The following DRD2 variants were observed in gnomAD, a reference collection of about 807,000 sequenced individuals.
DRD2 encodes the protein dopamine receptor D2.
Under a neutral mutation model 38.0 loss-of-function variants are expected in DRD2, and 8 were observed. The ratio of observed to expected loss-of-function variants is 0.21; its 90% CI spans 0.12 to 0.38. The LOEUF (loss-of-function observed/expected upper bound fraction) is 0.38. DRD2 is among the 10% of genes least tolerant of loss of function. DRD2 has a pLI of 1.00. For missense variants in DRD2, 403 were observed against 607.7 expected (o/e 0.66, Z 3.54); for synonymous variants, 230 against 238.6 (o/e 0.96, Z 0.33).
Position 113,410,565 on chromosome 11 carries a change from C to T in DRD2, c.*162G>A, listed in dbSNP as rs200094288. 30 of 892,246 alleles carry T rather than the reference C, an allele frequency of 3.4e-5. No individual in the cohort carries two copies. Among genetic ancestry groups the T allele is most frequent in the East Asian group, 7.5e-5 (3 of 39,840 alleles). 55.3% of individuals were successfully genotyped at this position (892,246 alleles called of 1,614,324 possible). A position where few individuals can be genotyped will look rare whatever the true frequency, so the allele number is the denominator to read the frequency against. On this transcript the variant is annotated 3_prime_UTR_variant, in exon 8 of 8. Coordinates refer to ENST00000362072, the MANE Select transcript of DRD2 (RefSeq NM_000795.4). ...ACTGCCCTGGCAGAGTGAGGGTGTG[C>T]GGGCAGTGAGGAGCATGGAGCCAAG...
chr11:113,455,241 T>G (rs1301112971), intron 1 of DRD2, among the ~76,000 whole-genome samples: 1 of 152,060 alleles, frequency 6.6e-6, no homozygotes, highest in African/African-American at 2.4e-5. Context: ...CAGACGCCTG[T>G]AGTCCCAGCT....
chr11:113,459,855 A>G (rs1951301835), intron 1 of DRD2, among the ~76,000 whole-genome samples: 1 of 152,244 alleles, frequency 6.6e-6, no homozygotes, highest in Admixed American at 6.5e-5. Context: ...TCATTTGTTC[A>G]TTACACAGTG....
chr11:113,412,423 G>T, intron 7 of DRD2, 133 bp downstream of exon 7: 1 of 1,101,374 alleles, frequency 9.1e-7, no homozygotes, highest in Non-Finnish European at 1.3e-6. Flanking sequence ...AGGGCTGTCT[G>T]TATGTCAATG....
At chr11:113,421,718 T>C (rs925959945) in intron 2 of DRD2, among the ~76,000 whole-genome samples, 4 of 152,192 alleles carry the variant, frequency 2.6e-5, no homozygotes, top group East Asian at 3.9e-4. Flanking sequence ...GACAAGAGCA[T>C]GTATTAGAGA....
chr11:113,438,579 G>T (rs1156850251), intron 1 of DRD2, among the ~76,000 whole-genome samples: 1 of 152,176 alleles, frequency 6.6e-6, no homozygotes, highest in African/African-American at 2.4e-5. Context: ...CTACCATGTT[G>T]TTCCCACTAC....
chr11:113,458,865 T>C (rs769263172), intron 1 of DRD2, among the ~76,000 whole-genome samples: 3 of 152,214 alleles, frequency 2.0e-5, no homozygotes, highest in Non-Finnish European at 4.4e-5. Context: ...GGCAAGATCT[T>C]ATGTGAGGTC....
intron 1 of DRD2, among the ~76,000 whole-genome samples, chr11:113,460,743 G>T (rs533415415): frequency 6.6e-6 from 1 of 152,344 alleles, no homozygotes; most frequent in Non-Finnish European, 1.5e-5. Context: ...GACAGGGTGT[G>T]GGGAGATGCT....
intron 1 of DRD2, among the ~76,000 whole-genome samples, chr11:113,468,021 TCTTA>T (rs1237900783): frequency 1.3e-5 from 2 of 152,364 alleles, no homozygotes; most frequent in Admixed American, 6.5e-5. Flanking sequence ...AAGTGTTGTT[TCTTA>T]CTTAAGCATC....
chr11:113,449,884 G>A (rs960588821), intron 1 of DRD2: 3 of 152,426 alleles, frequency 2.0e-5, no homozygotes, highest in African/African-American at 7.2e-5. Flanking sequence ...AAATCAGGGG[G>A]CGGTGTTTAG....
Position 113,418,153 on chromosome 11 carries a change from A to G in DRD2, c.286-17T>C. ...ACCTACCACCTGGGGACAAAGCAACATAATGGATGGACAGCAGGAGTGGGA... is the reference window on the plus strand; with the variant it reads ...ACCTACCACCTGGGGACAAAGCAACGTAATGGATGGACAGCAGGAGTGGGA... On this transcript the variant is annotated splice_polypyrimidine_tract_variant and intron_variant, in intron 2 of 7. Transcript: ENST00000362072. 1.9e-6 allele frequency: 3 copies of G among 1,599,996 alleles called. No homozygotes were observed. The highest frequency in any genetic ancestry group is 1.7e-6 in the Non-Finnish European group (2 of 1,167,152).
At chr11:113,449,192 C>T (rs1213696781) in intron 1 of DRD2, among the ~76,000 whole-genome samples, 4 of 152,148 alleles carry the variant, frequency 2.6e-5, no homozygotes, top group Non-Finnish European at 4.4e-5. Context: ...CACCTGCCTC[C>T]CCATTCCCAA....
chr11:113,447,570 C>T (rs1283947331), intron 1 of DRD2: 6 of 152,130 alleles, frequency 3.9e-5, no homozygotes, highest in Admixed American at 1.3e-4. Flanking sequence ...TCACTACTCA[C>T]CTTGCATATG....
rs1344010390 is a variant in DRD2, at chr11:113,432,789, G to A, written c.-31-8107C>T. On this transcript the variant is annotated intron_variant, in intron 1 of 7. Coordinates refer to ENST00000362072, the MANE Select transcript of DRD2 (RefSeq NM_000795.4). ...GGCAAAGGCCAGGCTCTCACTTGGG[G>A]TTGGACCTTCTTTTAGCATCTCTTG... 2.0e-5 allele frequency among the ~76,000 whole-genome samples: 3 copies of A among 152,214 alleles called. 1 individual carries two copies. The highest frequency in any genetic ancestry group is 4.2e-4 in the South Asian group (2 of 4,816).
At chr11:113,412,925 T>G in intron 6 of DRD2, 42 bp from the exon 7 acceptor site, 1 of 1,579,374 alleles carries the variant, frequency 6.3e-7, no homozygotes, top group Non-Finnish European at 8.6e-7. Flanking sequence ...CCGGACAAGT[T>G]CCCAGGCATC....
At chr11:113,429,249 GT>G (rs1393035845) in intron 1 of DRD2, among the ~76,000 whole-genome samples, 1 of 151,888 alleles carries the variant, frequency 6.6e-6, no homozygotes, top group African/African-American at 2.4e-5. Context: ...TTGTTTGGGG[GT>G]TTTTTTGTTA....
intron 1 of DRD2, among the ~76,000 whole-genome samples, chr11:113,452,463 TGTGTGTGCGCGCGC>T (rs1157612146): frequency 1.1e-5 from 1 of 89,668 alleles, no homozygotes; most frequent in African/African-American, 3.7e-5. Context: ...TGTGTGTGTG[TGTGTGTGCGCGCGC>T]GCGCGCGCGC....
At position 113,444,564 on chromosome 11, in the gene DRD2, G is replaced by A. The variant is rs117445925; in HGVS notation, c.-31-19882C>T. ...TCTATCTATGTTCAGTCTCTAACGG[G>A]GCTGTATGTTCCTTGAGGAAATTAC... On this transcript the variant is annotated intron_variant, in intron 1 of 7. Coordinates refer to ENST00000362072, the MANE Select transcript of DRD2 (RefSeq NM_000795.4). 2.6e-4 allele frequency among the ~76,000 whole-genome samples: 39 copies of A among 152,256 alleles called. No homozygotes were observed. In the East Asian group the frequency reaches 7.5e-3, roughly 29 times the overall value.
chr11:113,443,681 T>TCTTGTC (rs1163902514), intron 1 of DRD2, among the ~76,000 whole-genome samples: 6 of 152,230 alleles, frequency 3.9e-5, no homozygotes, highest in Admixed American at 1.3e-4. Context: ...GTACACCAGT[T>TCTTGTC]CTTGTCATTG....
intron 6 of DRD2, chr11:113,413,184 G>C: frequency 1.6e-6 from 1 of 624,842 alleles, no homozygotes; most frequent in Non-Finnish European, 3.0e-6. Context: ...CTTACTGTTA[G>C]CAAAGTGCCA....
Sources: allele counts gnomAD v4.1 joint callset (sites outside exome capture counted in the v4.1 genomes callset), GRCh38; gene constraint gnomAD v4.1.1; transcripts MANE v1.5; gene names NCBI Gene and HGNC (gene_info 2026-07-23, HGNC 2026-07-21).